The following WRN variants were observed in gnomAD, a reference collection of about 807,000 sequenced individuals.
The protein encoded by WRN is bifunctional 3'-5' exonuclease/ATP-dependent helicase WRN.
In WRN, 149 loss-of-function variants were observed where a neutral mutation model predicts 180.7. That is an observed-to-expected ratio of 0.82 (90% CI 0.72 to 0.94). The LOEUF is 0.94. Among genes scored for constraint, WRN ranks in the 40% least tolerant of loss-of-function variants. The pLI is 0.00. For missense variants in WRN, 1,661 were observed against 1,700.1 expected, an observed-to-expected ratio of 0.98 and a Z score of 0.40; for synonymous variants, 548 against 568.9, an observed-to-expected ratio of 0.96 and a Z score of 0.52.
Position 31,167,176 on chromosome 8 carries a change from A to G in WRN, c.4137A>G (p.Glu1379=), listed in dbSNP as rs1370987297. ...VNKRRCFPGS[E]EICSSSKRSK... ...AAAGGAGATGTTTTCCCGGTTCTGA[A>G]GAGATCTGTTCAAGTTCTAAGAGAA... Residue 1379 remains glutamate, a synonymous_variant, in exon 34 of 35, where the codon GAA becomes GAG. Transcript: ENST00000298139. 1.2e-6 allele frequency: 2 copies of G among 1,613,246 alleles called. No individual in the cohort carries two copies. Among genetic ancestry groups the G allele is most frequent in the African/African-American group, 2.7e-5 (2 of 74,892 alleles).
At chr8:31,155,614 T>G (rs2737338) in intron 32 of WRN, among the ~76,000 whole-genome samples, 53,510 of 139,018 alleles carry the variant, frequency 0.38, 10,212 homozygotes, top group East Asian at 0.62. Context: ...CGAGCAAGAC[T>G]CGGTCTCCAA....
intron 33 of WRN, among the ~76,000 whole-genome samples, chr8:31,164,966 A>G (rs1406404726): frequency 6.6e-6 from 1 of 152,126 alleles, no homozygotes; most frequent in Non-Finnish European, 1.5e-5. Context: ...TATAAAGGGT[A>G]CTTATAGAAA....
intron 19 of WRN, among the ~76,000 whole-genome samples, chr8:31,115,484 G>A (rs1801483792): frequency 6.6e-6 from 1 of 151,892 alleles, no homozygotes; most frequent in South Asian, 2.1e-4. Context: ...ACATTTAGAT[G>A]ACTTTTTACT....
At chr8:31,102,645 G>A (rs1044444498) in intron 18 of WRN, among the ~76,000 whole-genome samples, 1 of 152,148 alleles carries the variant, frequency 6.6e-6, no homozygotes, top group Non-Finnish European at 1.5e-5. Flanking sequence ...GATAAAAGAT[G>A]GTATACCTGT....
chr8:31,090,424 T>C (rs1813700210), intron 13 of WRN, 41 bp from the exon 14 acceptor site: 2 of 1,580,976 alleles, frequency 1.3e-6, no homozygotes, highest in Non-Finnish European at 1.7e-6. Flanking sequence ...TTGGGTTTCT[T>C]ATTAATAAAA....
chr8:31,154,519 G>T, intron 31 of WRN, 105 bp from the exon 32 acceptor site: 1 of 1,323,658 alleles, frequency 7.6e-7, no homozygotes. Context: ...TGTTGCTTAT[G>T]GGTTTAACTT....
intron 17 of WRN, among the ~76,000 whole-genome samples, chr8:31,097,676 G>A (rs906278765): frequency 6.6e-6 from 1 of 152,148 alleles, no homozygotes; most frequent in African/African-American, 2.4e-5. Flanking sequence ...CTACTTGGGA[G>A]GCTGAGGTAG....
intron 17 of WRN, 142 bp downstream of exon 17, chr8:31,096,992 G>A (rs900790432): frequency 2.5e-6 from 2 of 798,630 alleles, no homozygotes; most frequent in Non-Finnish European, 2.1e-6. Flanking sequence ...TCTCTAACTT[G>A]CTGTTTCACC....
intron 18 of WRN, among the ~76,000 whole-genome samples, chr8:31,103,248 G>A (rs575213104): frequency 2.0e-5 from 3 of 152,286 alleles, no homozygotes; most frequent in East Asian, 3.9e-4. Flanking sequence ...AAATGAATAC[G>A]TAGGAGGAGT....
intron 21 of WRN, 62 bp downstream of exon 21, chr8:31,120,486 A>C: frequency 1.3e-6 from 2 of 1,518,862 alleles, no homozygotes; most frequent in Non-Finnish European, 1.8e-6. Flanking sequence ...TATAAACCTC[A>C]AAAGTGTTTG....
chr8:31,113,510 T>C (rs1174034824), intron 19 of WRN, among the ~76,000 whole-genome samples: 1 of 152,164 alleles, frequency 6.6e-6, no homozygotes, highest in African/African-American at 2.4e-5. Flanking sequence ...AGAGGAAAAG[T>C]TCTTTTGAAG....
intron 1 of WRN, among the ~76,000 whole-genome samples, chr8:31,043,145 CTT>C (rs1395974167): frequency 6.6e-6 from 1 of 152,212 alleles, no homozygotes; most frequent in Non-Finnish European, 1.5e-5. Flanking sequence ...TCTTGGCCCT[CTT>C]CTATGAAAAC....
intron 21 of WRN, among the ~76,000 whole-genome samples, chr8:31,121,598 TAA>T (rs1157666178): frequency 1.3e-5 from 2 of 151,994 alleles, no homozygotes; most frequent in African/African-American, 4.8e-5. Context: ...ATAACTGTGT[TAA>T]GTGTAATGAA....
chr8:31,164,161 C>T (rs1273830720), intron 33 of WRN, among the ~76,000 whole-genome samples: 2 of 152,060 alleles, frequency 1.3e-5, no homozygotes, highest in Non-Finnish European at 2.9e-5. Flanking sequence ...TTTGATAGTA[C>T]ACTCATAATC....
intron 33 of WRN, among the ~76,000 whole-genome samples, chr8:31,163,985 T>TG (rs752117813): frequency 1.2e-4 from 18 of 151,918 alleles, no homozygotes; most frequent in Non-Finnish European, 2.5e-4. Flanking sequence ...TCCAAGTAGC[T>TG]GGGACCACAC....
intron 21 of WRN, among the ~76,000 whole-genome samples, chr8:31,122,270 G>A (rs1384209178): frequency 6.6e-6 from 1 of 151,956 alleles, no homozygotes; most frequent in African/African-American, 2.4e-5. Flanking sequence ...AAGGATTCAG[G>A]AGGGATCTGT....
chr8:31,155,959 GAC>G lies in WRN; in HGVS notation c.3819+1206_3819+1207del, dbSNP rs147305139. ...ACTTACTGAATAAATGCTCTAATTTGACAGTCATGTTTCTTAAAGTTCCTTAC... is the reference window on the plus strand; with the variant it reads ...ACTTACTGAATAAATGCTCTAATTTGAGTCATGTTTCTTAAAGTTCCTTAC... On this transcript the variant is annotated intron_variant, in intron 32 of 34. Transcript: ENST00000298139. 8.4e-3 allele frequency among the ~76,000 whole-genome samples: 1,285 copies of G among 152,256 alleles called. 19 individuals carry two copies. The highest frequency in any genetic ancestry group is 0.03 in the African/African-American group (1,237 of 41,554).
At chr8:31,072,085 T>C (rs1180149363) in intron 7 of WRN, among the ~76,000 whole-genome samples, 2 of 152,158 alleles carry the variant, frequency 1.3e-5, no homozygotes, top group African/African-American at 4.8e-5. Context: ...GAGTTGGGAC[T>C]GAGAATCCCG....
chr8:31,108,554 G>A (rs1801182952), intron 18 of WRN, among the ~76,000 whole-genome samples: 2 of 151,902 alleles, frequency 1.3e-5, no homozygotes. Flanking sequence ...AACAGAGGAA[G>A]CAGCAGCTTA....
Sources: gnomAD v4.1 joint callset for allele counts (sites outside exome capture counted in the v4.1 genomes callset) on GRCh38, gnomAD v4.1.1 for gene constraint, MANE v1.5 for transcripts, NCBI Gene and HGNC (gene_info 2026-07-23, HGNC 2026-07-21) for gene names.